STK32B: variants seen among roughly 807,000 people sequenced by gnomAD.
The protein encoded by STK32B is serine/threonine-protein kinase 32B.
A neutral mutation model predicts 52.6 loss-of-function variants in STK32B; 43 were observed. The ratio of observed to expected loss-of-function variants is 0.82; its 90% CI spans 0.64 to 1.05. STK32B has a LOEUF of 1.05. Among genes scored for constraint, STK32B ranks in the 50% least tolerant of loss-of-function variants. The pLI is 0.00. For synonymous variants in STK32B, 238 were observed against 204.3 expected (o/e 1.17, Z -1.41); for missense variants, 621 against 534.6 (o/e 1.16, Z -1.59).
chr4:5,160,344 T>C (rs904249767), intron 2 of STK32B, among the ~76,000 whole-genome samples: 1 of 152,162 alleles, frequency 6.6e-6, no homozygotes, highest in African/African-American at 2.4e-5. Flanking sequence ...ACCACTCTTA[T>C]CCCCATTGTA....
At chr4:5,257,933 A>G (rs1726440164) in intron 3 of STK32B, among the ~76,000 whole-genome samples, 1 of 152,000 alleles carries the variant, frequency 6.6e-6, no homozygotes, top group Admixed American at 6.6e-5. Context: ...AAAGAGCAAG[A>G]CTCCATCTCA....
At chr4:5,410,830 T>C (rs1305505356) in intron 5 of STK32B, among the ~76,000 whole-genome samples, 1 of 152,188 alleles carries the variant, frequency 6.6e-6, no homozygotes, top group African/African-American at 2.4e-5. Flanking sequence ...TTATAAATAA[T>C]AGAAGTTTAT....
intron 1 of STK32B, among the ~76,000 whole-genome samples, chr4:5,093,694 C>G (rs1394511480): frequency 6.7e-6 from 1 of 150,270 alleles, no homozygotes; most frequent in Admixed American, 6.6e-5. Context: ...CACATGTACC[C>G]TAAAACTTAA....
In STK32B at chr4:5,331,251, A is replaced by C; in HGVS notation, c.292A>C (p.Met98Leu). Residue 98 changes from methionine to leucine, a missense_variant, in exon 4 of 12, where the codon ATG becomes CTG. Physicochemically the swap from Met to Leu is conservative, Grantham distance 15. Transcript: ENST00000282908. ...CTTCCAGGATGAGGAGGACATGTTC[A>C]TGGTGGTGGACCTGCTCCTGGGAGG... ...YSFQDEEDMF[M>L]VVDLLLGGDL... 1 of 1,613,548 alleles carries C rather than the reference A, an allele frequency of 6.2e-7. No homozygotes were observed. Among genetic ancestry groups the C allele is most frequent in the Non-Finnish European group, 8.5e-7 (1 of 1,179,738 alleles).
rs1488396548 is a variant in STK32B, at chr4:5,378,929, C to T, written c.435-19278C>T. ...AAGGGGTGACAATTCTACCCTGCCT[C>T]TGTGAGACCCCAGGAGATGGCTGAC... On this transcript the variant is annotated intron_variant, in intron 4 of 11. Coordinates refer to ENST00000282908, the MANE Select transcript of STK32B (RefSeq NM_018401.3). This position sits in a 1 kb window ranked among gnomAD's most constrained non-coding sequence, Gnocchi z 4.4. Among the ~76,000 whole-genome samples, 2 of 152,166 alleles carry T rather than the reference C, an allele frequency of 1.3e-5. No individual in the cohort carries two copies. The highest frequency in any genetic ancestry group is 6.5e-5 in the Admixed American group (1 of 15,280).
chr4:5,244,024 A>C (rs1410198982), intron 3 of STK32B, among the ~76,000 whole-genome samples: 1 of 151,950 alleles, frequency 6.6e-6, no homozygotes. Context: ...CATCAAGGAT[A>C]TTGGTCTAAA....
At chr4:5,177,140 A>G (rs1201264158) in intron 3 of STK32B, among the ~76,000 whole-genome samples, 1 of 152,314 alleles carries the variant, frequency 6.6e-6, no homozygotes, top group East Asian at 1.9e-4. Context: ...AGAACTGCCC[A>G]AGACTGGGTG....
At chr4:5,226,091 G>C (rs1314783793) in intron 3 of STK32B, among the ~76,000 whole-genome samples, 1 of 152,122 alleles carries the variant, frequency 6.6e-6, no homozygotes, top group East Asian at 1.9e-4. Flanking sequence ...ATTAAATAAG[G>C]ACATTTTCAG....
chr4:5,160,237 C>A (rs942105499), intron 2 of STK32B, among the ~76,000 whole-genome samples: 2 of 152,166 alleles, frequency 1.3e-5, no homozygotes, highest in Admixed American at 1.3e-4. Context: ...ATGTCCTGTG[C>A]CCTTCAGAAG....
chr4:5,087,957 G>GTA (rs1186018639), intron 1 of STK32B, among the ~76,000 whole-genome samples: 1 of 152,000 alleles, frequency 6.6e-6, no homozygotes, highest in Non-Finnish European at 1.5e-5. Context: ...TGATGGACAT[G>GTA]TATATAACAG....
intron 3 of STK32B, among the ~76,000 whole-genome samples, chr4:5,185,626 G>A (rs1331574156): frequency 6.6e-6 from 1 of 152,172 alleles, no homozygotes; most frequent in Admixed American, 6.5e-5. Context: ...GCTAGATGCT[G>A]AGCAGTGTCA....
intron 3 of STK32B, among the ~76,000 whole-genome samples, chr4:5,299,951 C>T (rs1729447728): frequency 6.6e-6 from 1 of 152,046 alleles, no homozygotes; most frequent in African/African-American, 2.4e-5. Flanking sequence ...AAACTAGTAT[C>T]ATTCTGATAC....
chr4:5,450,738 T>G (rs1715915010), intron 7 of STK32B, among the ~76,000 whole-genome samples: 1 of 152,212 alleles, frequency 6.6e-6, no homozygotes, highest in Admixed American at 6.5e-5. Context: ...TGATTCTGAT[T>G]ATGTTAATTA....
chr4:5,265,402 C>T (rs1201723602), intron 3 of STK32B, among the ~76,000 whole-genome samples: 1 of 152,182 alleles, frequency 6.6e-6, no homozygotes, highest in Non-Finnish European at 1.5e-5. Flanking sequence ...AATGTGATGC[C>T]CACATGGAAT....
At chr4:5,332,977 A>G (rs1304882418) in intron 4 of STK32B, among the ~76,000 whole-genome samples, 4 of 152,174 alleles carry the variant, frequency 2.6e-5, no homozygotes, top group Non-Finnish European at 5.9e-5. Context: ...TGTCTTTATA[A>G]CAGCATGATT....
chr4:5,045,367 A>G, the STK32B span, among the ~76,000 whole-genome samples: 5 of 152,164 alleles, frequency 3.3e-5, no homozygotes, highest in East Asian at 9.6e-4. Context: ...CATTCCTGAC[A>G]TCTGTGCAGC....
intron 7 of STK32B, among the ~76,000 whole-genome samples, chr4:5,448,339 G>C (rs1340533964): frequency 6.6e-6 from 1 of 152,200 alleles, no homozygotes; most frequent in Non-Finnish European, 1.5e-5. Context: ...TGCTCGGTTC[G>C]TTTCCTGTTA....
At chr4:5,174,590 G>T (rs899904038) in intron 3 of STK32B, among the ~76,000 whole-genome samples, 1 of 152,116 alleles carries the variant, frequency 6.6e-6, no homozygotes, top group Admixed American at 6.5e-5. Context: ...TGAAATTCTG[G>T]GTTGAAAATT....
At chr4:5,422,869 G>C (rs1464210483) in intron 6 of STK32B, among the ~76,000 whole-genome samples, 1 of 152,170 alleles carries the variant, frequency 6.6e-6, no homozygotes, top group South Asian at 2.1e-4. Context: ...GTGACAATCT[G>C]AATTAGACTT....
Sources: gnomAD v4.1 joint callset for allele counts (sites outside exome capture counted in the v4.1 genomes callset) on GRCh38, gnomAD v4.1.1 for gene constraint, Gnocchi (gnomAD v3.1) non-coding constraint, MANE v1.5 for transcripts, NCBI Gene and HGNC (gene_info 2026-07-23, HGNC 2026-07-21) for gene names.